DNMT1: variants seen among roughly 807,000 people sequenced by gnomAD.
DNMT1 encodes the protein DNA methyltransferase 1, also known as DNA (cytosine-5)-methyltransferase 1.
Under a neutral mutation model 205.3 loss-of-function variants are expected in DNMT1, and 24 were observed. That is an observed-to-expected ratio of 0.12 (90% CI 0.08 to 0.16). The LOEUF (loss-of-function observed/expected upper bound fraction) is 0.16. Among genes scored for constraint, DNMT1 ranks in the 10% least tolerant of loss-of-function variants. The pLI, the probability that DNMT1 is intolerant of heterozygous loss-of-function variation, is 1.00. For missense variants in DNMT1, 1,293 were observed against 2,177.7 expected (o/e 0.59, Z 8.09); for synonymous variants, 817 against 839.8 (o/e 0.97, Z 0.47).
At chr19:10,172,207 G>A (rs1316891930) in intron 9 of DNMT1, among the ~76,000 whole-genome samples, 2 of 151,486 alleles carry the variant, frequency 1.3e-5, no homozygotes, top group Non-Finnish European at 2.9e-5. Context: ...CCTGAGATTG[G>A]GAGTTCAAGA....
At chr19:10,162,341 C>T (rs2038586087) in intron 13 of DNMT1, among the ~76,000 whole-genome samples, 1 of 151,172 alleles carries the variant, frequency 6.6e-6, no homozygotes, top group African/African-American at 2.4e-5. Flanking sequence ...GCGATCTCGG[C>T]TCACTGCAAC....
Position 10,180,802 on chromosome 19 carries a change from T to C in DNMT1, c.201A>G (p.Lys67=). Reference sequence around the variant, plus strand: ...CCTCGGATAATTCTTCTTTACGTAATTTGGTTTCCAAGTCACATAACTGAT... The same window carrying C: ...CCTCGGATAATTCTTCTTTACGTAACTTGGTTTCCAAGTCACATAACTGAT... ...IKNQLCDLET[K]LRKEELSEEG... Residue 67 remains lysine, a synonymous_variant, in exon 3 of 41, where the codon AAA becomes AAG. Coordinates refer to ENST00000359526, the MANE Select transcript of DNMT1 (RefSeq NM_001130823.3). 6.2e-7 allele frequency: 1 copy of C among 1,614,144 alleles called. No individual in the cohort carries two copies. Among genetic ancestry groups the C allele is most frequent in the Non-Finnish European group, 8.5e-7 (1 of 1,180,020 alleles).
At chr19:10,194,732 C>A in intron 1 of DNMT1, 88 bp downstream of exon 1, 4 of 1,475,964 alleles carry the variant, frequency 2.7e-6, no homozygotes, top group Non-Finnish European at 3.6e-6. Flanking sequence ...CTGTCAGCAG[C>A]GGCCACCGGC....
At position 10,175,090 on chromosome 19, in the gene DNMT1, C is replaced by T. The variant is rs1322180092; in HGVS notation, c.648+450G>A. On this transcript the variant is annotated intron_variant, in intron 7 of 40. Transcript: ENST00000359526. ...GTCTAAATACATACATACATACACA[C>T]ACACACACACACACACACACACACA... 4.1e-3 allele frequency among the ~76,000 whole-genome samples: 442 copies of T among 107,040 alleles called. 4 individuals are homozygous for T. The highest frequency in any genetic ancestry group is 0.015 in the African/African-American group (417 of 27,610). The allele number at this position is 107,040 out of a possible 152,430, so 70.2% of individuals were successfully genotyped here.
chr19:10,138,021 G>A lies in DNMT1; in HGVS notation c.4116-12C>T. On this transcript the variant is annotated splice_polypyrimidine_tract_variant and intron_variant, in intron 35 of 40. Coordinates refer to ENST00000359526, the MANE Select transcript of DNMT1 (RefSeq NM_001130823.3). This position sits in a 1 kb window ranked among gnomAD's most constrained non-coding sequence, Gnocchi z 4.1. ...GACCCGAGCTCAACCTGCAACAGAG[G>A]AGGAGGTCAACACCTCTGGAGATGC... 1 of 1,608,046 alleles carries A rather than the reference G, an allele frequency of 6.2e-7. No individual in the cohort carries two copies. The highest frequency in any genetic ancestry group is 8.5e-7 in the Non-Finnish European group (1 of 1,177,504).
chr19:10,172,820 AAAAT>A (rs889352622), intron 9 of DNMT1, among the ~76,000 whole-genome samples: 6 of 152,038 alleles, frequency 3.9e-5, no homozygotes, highest in Admixed American at 2.0e-4. Flanking sequence ...GACTGTCTCA[AAAAT>A]AAATAAATAA....
At chr19:10,153,000 T>C (rs1293940681) in intron 22 of DNMT1, among the ~76,000 whole-genome samples, 2 of 150,734 alleles carry the variant, frequency 1.3e-5, no homozygotes, top group South Asian at 2.1e-4. Context: ...AGAAATAAAA[T>C]TCCCTTCCCA....
In DNMT1 at chr19:10,173,144, A is replaced by G. The variant is rs754030810; in HGVS notation, c.714T>C (p.Pro238=). 64 of 1,614,082 alleles carry G rather than the reference A, an allele frequency of 4.0e-5. 1 individual carries two copies. In the South Asian group the frequency reaches 6.4e-4, roughly 16 times the overall value. ...RVARPLPAEE[P]ERAKSGTRTE... ...TGCGCGTTCCTGATTTTGCTCTTTCAGGTTCTTCTGCAGGAAGCGGTCTAG... is the reference window on the plus strand; with the variant it reads ...TGCGCGTTCCTGATTTTGCTCTTTCGGGTTCTTCTGCAGGAAGCGGTCTAG... The change falls in exon 9 of 41, where the codon CCT becomes CCC. Residue 238 remains proline, a synonymous_variant. Transcript: ENST00000359526.
At position 10,137,811 on chromosome 19, in the gene DNMT1, G is replaced by A. The variant is rs942646868; in HGVS notation, c.4293+21C>T. On this transcript the variant is annotated intron_variant, in intron 36 of 40. Coordinates refer to ENST00000359526, the MANE Select transcript of DNMT1 (RefSeq NM_001130823.3). This position sits in a 1 kb window ranked among gnomAD's most constrained non-coding sequence, Gnocchi z 6.4. Reference sequence around the variant, plus strand: ...CTGGGCTGGGCCTCGAGGAGGAGCCGCTCTGTCAGGGTGCCATTACCTTAC... The same window carrying A: ...CTGGGCTGGGCCTCGAGGAGGAGCCACTCTGTCAGGGTGCCATTACCTTAC... The A allele has an allele frequency of 5.6e-6, 9 of 1,609,768 alleles. No homozygotes were observed. Among genetic ancestry groups the A allele is most frequent in the Admixed American group, 1.7e-5 (1 of 59,522 alleles).
rs749216491 is a variant in DNMT1 at position 10,149,648 on chromosome 19, C to T, written c.2391G>A (p.Ala797=). ...SKPLYLARVT[A]LWEDSSNGQM... ...GCCCGTTGCTGCTGTCCTCCCACAG[C>T]GCCGTGACCCTGGAATCAGAAGACG... is the stretch of plus-strand genomic sequence containing the variant. The change falls in exon 26 of 41, where the codon GCG becomes GCA. Residue 797 remains alanine, a synonymous_variant. Transcript: ENST00000359526. 29 of 1,613,560 alleles carry T rather than the reference C, an allele frequency of 1.8e-5. No individual in the cohort carries two copies. The highest frequency in any genetic ancestry group is 8.3e-5 in the Admixed American group (5 of 59,986).
chr19:10,179,029 T>A (rs190997104), intron 5 of DNMT1, among the ~76,000 whole-genome samples: 1 of 146,018 alleles, frequency 6.8e-6, no homozygotes, highest in Admixed American at 7.3e-5. Flanking sequence ...CTCGGGAGGC[T>A]GAGGCAAAAG....
intron 1 of DNMT1, among the ~76,000 whole-genome samples, chr19:10,187,958 C>T (rs375942763): frequency 3.9e-5 from 6 of 152,076 alleles, no homozygotes; most frequent in African/African-American, 1.2e-4. Flanking sequence ...GCCTGGGCAA[C>T]ACAGCAGAGA....
chr19:10,148,116 C>CAAAAAAAAAAAAAAAAAAAAATAAAAAA (rs2038239870), intron 27 of DNMT1, among the ~76,000 whole-genome samples: 1 of 59,294 alleles, frequency 1.7e-5, no homozygotes, highest in African/African-American at 7.3e-5. Flanking sequence ...AACTCTGTCT[C>CAAAAAAAAAAAAAAAAAAAAATAAAAAA]AAAAAAAAAA....
intron 4 of DNMT1, 54 bp from the exon 5 acceptor site, chr19:10,180,288 G>T: frequency 1.3e-6 from 2 of 1,582,518 alleles, no homozygotes; most frequent in East Asian, 2.2e-5. Context: ...CTCCAGACTG[G>T]GCAACACAGT....
chr19:10,194,806 C>A lies in DNMT1; in HGVS notation c.80+14G>T, dbSNP rs766958409. ...CTGTCCCCCTGAGTCCGTGTTCCCC[C>A]CCATGGTACCTACCGCCTGCGGACA... is the stretch of plus-strand genomic sequence containing the variant. On this transcript the variant is annotated intron_variant, in intron 1 of 40. Coordinates refer to ENST00000359526, the MANE Select transcript of DNMT1 (RefSeq NM_001130823.3). 9 of 1,611,264 alleles carry A rather than the reference C, an allele frequency of 5.6e-6. No individual in the cohort carries two copies. Among genetic ancestry groups the A allele is most frequent in the Admixed American group, 5.0e-5 (3 of 59,896 alleles).
rs778885444 is a variant in DNMT1 at position 10,138,696 on chromosome 19, C to T, written c.3949-91G>A. 39 of 1,504,552 alleles carry T rather than the reference C, an allele frequency of 2.6e-5. No homozygotes were observed. Among genetic ancestry groups the T allele is most frequent in the African/African-American group, 5.5e-5 (4 of 72,636 alleles). 93.2% of individuals were successfully genotyped at this position (1,504,552 alleles called of 1,614,324 possible). ...CAGGCCCAGGGTCAGCAGCCTGAGT[C>T]GGGAGTGGCTGGCCAATGCGGAGTG... On this transcript the variant is annotated intron_variant, in intron 34 of 40. Transcript: ENST00000359526. The surrounding 1 kb of genome is among the most constrained non-coding windows in gnomAD (Gnocchi z 4.1).
chr19:10,153,163 C>G (rs1037735215), intron 22 of DNMT1, among the ~76,000 whole-genome samples: 9 of 152,288 alleles, frequency 5.9e-5, no homozygotes, highest in African/African-American at 2.2e-4. Context: ...TACTTCTAAG[C>G]AGATACACTC....
At chr19:10,134,147 G>C in intron 40 of DNMT1, 70 bp downstream of exon 40, 2 of 1,560,206 alleles carry the variant, frequency 1.3e-6, no homozygotes, top group Middle Eastern at 1.7e-4. Context: ...ACGGTGGCCA[G>C]CAACTGCCCC....
At chr19:10,166,479 A>G in intron 11 of DNMT1, 119 bp downstream of exon 11, 2 of 1,259,590 alleles carry the variant, frequency 1.6e-6, no homozygotes, top group Non-Finnish European at 2.3e-6. Context: ...GGATGGCCCC[A>G]TGGAGCCTGG....
Sources: allele counts gnomAD v4.1 joint callset (sites outside exome capture counted in the v4.1 genomes callset), GRCh38; gene constraint gnomAD v4.1.1; non-coding constraint Gnocchi (gnomAD v3.1); transcripts MANE v1.5; gene names NCBI Gene and HGNC (gene_info 2026-07-23, HGNC 2026-07-21).